Variants in STAT5B observed in about 807,000 individuals in gnomAD.
The protein encoded by STAT5B is signal transducer and activator of transcription 5B.
A neutral mutation model predicts 107.8 loss-of-function variants in STAT5B; 21 were observed. The ratio of observed to expected loss-of-function variants is 0.19; its 90% CI spans 0.14 to 0.28. The LOEUF (loss-of-function observed/expected upper bound fraction) is 0.28, where lower values mean the gene tolerates loss of function less well. Among genes scored for constraint, STAT5B ranks in the 10% least tolerant of loss-of-function variants. The probability of loss-of-function intolerance (pLI) is 1.00; values close to 1 mark genes in which losing one functional copy is unlikely to be tolerated. For synonymous variants in STAT5B, 325 were observed against 401.7 expected (o/e 0.81, Z 2.28); for missense variants, 565 against 1,008.2 (o/e 0.56, Z 5.95).
In STAT5B at chr17:42,262,833, TAC is replaced by T. The variant is rs1162318251; in HGVS notation, c.-11+13413_-11+13414del. ...ATACACACATATATATGTGTATATA[TAC>T]ACACATATATATGTATATACACACA... is the stretch of plus-strand genomic sequence containing the variant. On this transcript the variant is annotated intron_variant, in intron 1 of 18. Transcript: ENST00000293328. Among the ~76,000 whole-genome samples, 7 of 119,640 alleles carry T rather than the reference TAC, an allele frequency of 5.9e-5. No individual in the cohort carries two copies. In the South Asian group the frequency reaches 1.1e-3, roughly 19 times the overall value. 78.5% of individuals were successfully genotyped at this position (119,640 alleles called of 152,430 possible).
intron 1 of STAT5B, among the ~76,000 whole-genome samples, chr17:42,239,626 C>T (rs1418588976): frequency 6.6e-6 from 1 of 152,168 alleles, no homozygotes; most frequent in Non-Finnish European, 1.5e-5. Flanking sequence ...TATCCTAAAT[C>T]CCTCAGACGT....
At chr17:42,214,152 A>T (rs1282999692) in intron 12 of STAT5B, 58 of 320,494 alleles carry the variant, frequency 1.8e-4, no homozygotes, top group Non-Finnish European at 2.2e-4. Context: ...CAAAAAAATT[A>T]AAAAAAAAAA....
chr17:42,204,941 A>G (rs541775456), intron 16 of STAT5B, among the ~76,000 whole-genome samples: 8 of 152,136 alleles, frequency 5.3e-5, no homozygotes, highest in Non-Finnish European at 1.2e-4. Flanking sequence ...TAAATAACCA[A>G]CATGTAACTC....
the STAT5B span, among the ~76,000 whole-genome samples, chr17:42,285,701 T>C: frequency 6.6e-6 from 1 of 152,208 alleles, no homozygotes; most frequent in Non-Finnish European, 1.5e-5. Context: ...AGTTGTGTTA[T>C]CTGGAGCCAC....
At chr17:42,224,985 T>TGTTGGTATTGGAGGAA in intron 3 of STAT5B, 117 bp from the exon 4 acceptor site, 1 of 929,300 alleles carries the variant, frequency 1.1e-6, no homozygotes, top group Non-Finnish European at 1.7e-6. Context: ...GCACTGTTCC[T>TGTTGGTATTGGAGGAA]CCAATACCAA....
intron 1 of STAT5B, among the ~76,000 whole-genome samples, chr17:42,258,914 G>T (rs995877302): frequency 3.9e-5 from 6 of 152,192 alleles, no homozygotes; most frequent in African/African-American, 1.4e-4. Context: ...AGCAAAACTG[G>T]GGGGAACTCT....
chr17:42,251,100 C>T (rs1038924141), intron 1 of STAT5B, among the ~76,000 whole-genome samples: 6 of 151,966 alleles, frequency 3.9e-5, no homozygotes, highest in Non-Finnish European at 7.4e-5. Flanking sequence ...AATAAGACTC[C>T]CTTCCCTGAG....
chr17:42,250,313 T>C (rs2080487749), intron 1 of STAT5B, among the ~76,000 whole-genome samples: 1 of 152,114 alleles, frequency 6.6e-6, no homozygotes, highest in Admixed American at 6.6e-5. Flanking sequence ...ACTCTGAGAA[T>C]ACCTAGTTTG....
At chr17:42,246,121 T>C (rs1307580877) in intron 1 of STAT5B, among the ~76,000 whole-genome samples, 1 of 152,196 alleles carries the variant, frequency 6.6e-6, no homozygotes, top group Non-Finnish European at 1.5e-5. Flanking sequence ...AGTTTTTGAT[T>C]AAATTGTGTT....
At chr17:42,246,098 A>C (rs1478664434) in intron 1 of STAT5B, among the ~76,000 whole-genome samples, 1 of 152,252 alleles carries the variant, frequency 6.6e-6, no homozygotes, top group Non-Finnish European at 1.5e-5. Context: ...GCTTTTTGGT[A>C]CAATTTTTGT....
intron 1 of STAT5B, among the ~76,000 whole-genome samples, chr17:42,242,025 T>C (rs961306506): frequency 1.3e-5 from 2 of 151,760 alleles, no homozygotes; most frequent in Non-Finnish European, 2.9e-5. Flanking sequence ...CAAGGAAAAA[T>C]GTGCCCAGGC....
chr17:42,233,435 T>G (rs938238592), intron 1 of STAT5B, among the ~76,000 whole-genome samples: 22 of 152,070 alleles, frequency 1.4e-4, no homozygotes, highest in African/African-American at 4.8e-4. Flanking sequence ...AAACAATACA[T>G]TCCACCTAAG....
intron 1 of STAT5B, among the ~76,000 whole-genome samples, chr17:42,248,536 A>G (rs1195123308): frequency 6.6e-6 from 1 of 152,166 alleles, no homozygotes; most frequent in African/African-American, 2.4e-5. Flanking sequence ...AAAGCAACCT[A>G]CTTTTTCTGG....
At chr17:42,216,570 G>A (rs2080174186) in intron 11 of STAT5B, among the ~76,000 whole-genome samples, 1 of 151,994 alleles carries the variant, frequency 6.6e-6, no homozygotes, top group Non-Finnish European at 1.5e-5. Flanking sequence ...TTGAGACGGG[G>A]TCTCACAACC....
intron 5 of STAT5B, among the ~76,000 whole-genome samples, chr17:42,220,968 C>A (rs1364551334): frequency 2.0e-5 from 3 of 149,950 alleles, no homozygotes; most frequent in Non-Finnish European, 4.5e-5. Context: ...CCCTTCCCAT[C>A]ACCTTCTCAA....
At chr17:42,243,188 T>TA (rs11327266) in intron 1 of STAT5B, among the ~76,000 whole-genome samples, 11 of 149,878 alleles carry the variant, frequency 7.3e-5, no homozygotes, top group Admixed American at 3.3e-4. Flanking sequence ...AAAAAATAAA[T>TA]AAAAAAAAAA....
intron 1 of STAT5B, among the ~76,000 whole-genome samples, chr17:42,241,812 TTAAAATTGGACTAATATC>T: frequency 6.6e-6 from 1 of 152,288 alleles, no homozygotes; most frequent in Admixed American, 6.5e-5. Context: ...TTCATTCATA[TTAAAATTGGACTAATATC>T]AAGTAAGAAG....
chr17:42,236,972 G>C (rs1469832714), intron 1 of STAT5B, among the ~76,000 whole-genome samples: 1 of 152,170 alleles, frequency 6.6e-6, no homozygotes, highest in East Asian at 1.9e-4. Context: ...CTCAGACAAG[G>C]GAAGTAGTTT....
At chr17:42,201,971 G>C (rs1035119308) in intron 18 of STAT5B, 107 bp from the exon 19 acceptor site, 11 of 1,059,350 alleles carry the variant, frequency 1.0e-5, no homozygotes, top group Non-Finnish European at 1.4e-5. Context: ...TATGCCCTCA[G>C]CCTGGGGCTT....
Sources: gnomAD v4.1 joint callset for allele counts (sites outside exome capture counted in the v4.1 genomes callset) on GRCh38, gnomAD v4.1.1 for gene constraint, MANE v1.5 for transcripts, NCBI Gene and HGNC (gene_info 2026-07-23, HGNC 2026-07-21) for gene names.